HTT: variants seen among roughly 807,000 people sequenced by gnomAD.
HTT encodes huntingtin, also known as huntington disease protein.
HTT carries 104 observed loss-of-function variants against 362.3 expected under a neutral mutation model. The observed-to-expected ratio is 0.29, with a 90% CI of 0.24 to 0.34. The LOEUF is 0.34. Among genes scored for constraint, HTT ranks in the 10% least tolerant of loss-of-function variants. The pLI is 1.00. For synonymous variants in HTT, 1,577 were observed against 1,548.7 expected (o/e 1.02, Z -0.43); for missense variants, 3,301 against 3,928.6 (o/e 0.84, Z 4.27).
chr4:3,182,293 C>A, intron 36 of HTT, 61 bp from the exon 37 acceptor site: 1 of 1,002,468 alleles, frequency 1.0e-6, no homozygotes, highest in South Asian at 1.3e-5. Context: ...AACAGACGGA[C>A]ACGTAGGGGT....
At chr4:3,161,070 C>T (rs187539985) in intron 29 of HTT, among the ~76,000 whole-genome samples, 23 of 152,238 alleles carry the variant, frequency 1.5e-4, no homozygotes, top group African/African-American at 5.1e-4. Flanking sequence ...ATCCCTCCCC[C>T]AGTCCCCTCA....
intron 40 of HTT, 61 bp downstream of exon 40, chr4:3,189,154 T>G: frequency 1.3e-6 from 2 of 1,543,374 alleles, no homozygotes; most frequent in Non-Finnish European, 8.9e-7. Flanking sequence ...CTATACACTC[T>G]CAGAGTGTAG....
intron 17 of HTT, 34 bp downstream of exon 17, chr4:3,132,754 G>T (rs756378512): frequency 3.1e-6 from 5 of 1,613,696 alleles, no homozygotes; most frequent in Non-Finnish European, 4.2e-6. Context: ...GTTTTTTCTA[G>T]TTATGCTTAC....
At chr4:3,146,318 G>C (rs1274734563) in intron 24 of HTT, among the ~76,000 whole-genome samples, 3 of 152,182 alleles carry the variant, frequency 2.0e-5, no homozygotes, top group Non-Finnish European at 4.4e-5. Context: ...GATATGGCGT[G>C]TTAAAGGATA....
chr4:3,116,099 G>C lies in HTT; in HGVS notation c.904G>C (p.Val302Leu). 1 of 1,611,002 alleles carries C rather than the reference G, an allele frequency of 6.2e-7. No homozygotes were observed. Among genetic ancestry groups the C allele is most frequent in the Middle Eastern group, 2.0e-4 (1 of 5,094 alleles). Residue 302 changes from valine (V) to leucine (L), a missense_variant, in exon 8 of 67, where the codon GTC (valine) becomes CTC (leucine). Transcript: ENST00000355072. ...LNVLLGLLVP[V>L]EDEHSTLLIL... is the part of the protein sequence containing the mutation. ...CACCCCCACAGGCTTACTCGTTCCT[G>C]TCGAGGATGAACACTCCACTCTGCT...
chr4:3,075,896 GAAATTATCTTAAATATTAGGA>G (rs1712523605), intron 1 of HTT, among the ~76,000 whole-genome samples: 1 of 152,156 alleles, frequency 6.6e-6, no homozygotes, highest in Non-Finnish European at 1.5e-5. Flanking sequence ...GGTGATTAAT[GAAATTATCTTAAATATTAGGA>G]AGAGTTGATT....
Position 3,075,028 on chromosome 4 carries a change from C to T in HTT, c.203C>T (p.Pro68Leu), listed in dbSNP as rs1167429684. The T allele has an allele frequency of 8.8e-6, 11 of 1,250,428 alleles. No individual in the cohort carries two copies. The South Asian group carries it at 1.0e-4, about 12-fold the overall frequency. The allele number at this position is 1,250,428 out of a possible 1,614,324, so 77.5% of individuals were successfully genotyped here. The change falls in exon 1 of 67, where the codon CCC (proline) becomes CTC (leucine). Residue 68 changes from proline to leucine, a missense_variant. By Grantham distance (98) the Pro-to-Leu change is moderately conservative (BLOSUM62 -3). Around this residue, in one of 4 missense-constraint regions of HTT, gnomAD observed 2,316 missense variants for 2,658.5 expected, o/e 0.87. Transcript: ENST00000355072. The stretch of plus-strand genomic sequence containing the variant: ...CCGCTGCTGCCTCAGCCGCAGCCGC[C>T]CCCGCCGCCGCCCCCGCCGCCACCC... ...AQPLLPQPQP[P>L]PPPPPPPPGP...
intron 1 of HTT, among the ~76,000 whole-genome samples, chr4:3,083,517 C>T (rs1000631566): frequency 7.2e-6 from 1 of 138,454 alleles, no homozygotes; most frequent in Admixed American, 7.6e-5. Flanking sequence ...GAGTGAGACC[C>T]TGTCTCTAAA....
chr4:3,089,809 T>A (rs1424171736), intron 2 of HTT, among the ~76,000 whole-genome samples: 1 of 152,218 alleles, frequency 6.6e-6, no homozygotes, highest in Non-Finnish European at 1.5e-5. Flanking sequence ...CATCTTAAGA[T>A]TGATTTGTGG....
intron 1 of HTT, among the ~76,000 whole-genome samples, chr4:3,083,071 T>A (rs1359184841): frequency 1.3e-5 from 2 of 152,122 alleles, no homozygotes; most frequent in Non-Finnish European, 2.9e-5. Flanking sequence ...AGAAATGCTT[T>A]CCATGTTTGA....
chr4:3,235,778 G>A lies in HTT; in HGVS notation c.8785G>A (p.Gly2929Arg). 2 of 1,604,078 alleles carry A rather than the reference G, an allele frequency of 1.2e-6. No individual in the cohort carries two copies. Among genetic ancestry groups the A allele is most frequent in the Non-Finnish European group, 1.7e-6 (2 of 1,177,640 alleles). The part of the protein sequence containing the change: ...LGLMLTCMYT[G>R]KEKVSPGRTS... ...CCTGATGCTCACCTGCATGTACACA[G>A]GTGAGCATGTACACGGTGCCCATAA... Residue 2929 changes from glycine (G) to arginine (R), a missense_variant and splice_region_variant, in exon 63 of 67, where the codon GGA becomes AGA. Transcript: ENST00000355072.
At chr4:3,148,287 C>A in intron 26 of HTT, 80 bp downstream of exon 26, 1 of 1,036,762 alleles carries the variant, frequency 9.6e-7, no homozygotes, top group Non-Finnish European at 1.4e-6. Flanking sequence ...AGTAATCTGT[C>A]CCTTCTTTAT....
chr4:3,156,922 A>G, intron 27 of HTT, 150 bp from the exon 28 acceptor site: 2 of 608,820 alleles, frequency 3.3e-6, no homozygotes, highest in East Asian at 6.0e-5. Flanking sequence ...TCAATTTCTC[A>G]TTACTTCTAG....
intron 1 of HTT, among the ~76,000 whole-genome samples, chr4:3,075,729 CT>C (rs1372736066): frequency 6.6e-6 from 1 of 150,998 alleles, no homozygotes; most frequent in Non-Finnish European, 1.5e-5. Context: ...AGATTTGAGG[CT>C]CTTCCTACAT....
Position 3,157,084 on chromosome 4 carries a change from C to CT in HTT, c.3639dup (p.Asp1214Ter). 6.2e-7 allele frequency: 1 copy of CT among 1,606,546 alleles called. No homozygotes were observed. The highest frequency in any genetic ancestry group is 8.5e-7 in the Non-Finnish European group (1 of 1,177,918). ...CATATTTTTAAAGCTTCTAGACAAT[C>CT]TGATACCTCAGGTCCTGTTACAACA... On this transcript the variant is annotated frameshift_variant, in exon 28 of 67. Coordinates refer to ENST00000355072, the MANE Select transcript of HTT (RefSeq NM_001388492.1). LOFTEE classifies it high-confidence loss of function.
chr4:3,081,550 CTTTTTTTTTTTTTTTT>C (rs770325842), intron 1 of HTT, among the ~76,000 whole-genome samples: 1 of 84,526 alleles, frequency 1.2e-5, no homozygotes, highest in Admixed American at 1.5e-4. Context: ...GAAAGCATTT[CTTTTTTTTTTTTTTTT>C]TTTTTTTTTG....
chr4:3,207,494 A>G lies in HTT; in HGVS notation c.6152+137A>G, dbSNP rs866504213. 4.5e-6 allele frequency: 3 copies of G among 671,560 alleles called. No homozygotes were observed. In the Middle Eastern group the frequency reaches 1.0e-3, roughly 230 times the overall value. 41.6% of individuals were successfully genotyped at this position (671,560 alleles called of 1,614,324 possible). The stretch of plus-strand genomic sequence containing the variant: ...GGGTTTACTGCAGAAGTGCCATAAT[A>G]GAACCTTCCTACTTTTAAAACAACC... On this transcript the variant is annotated intron_variant, in intron 45 of 66. Coordinates refer to ENST00000355072, the MANE Select transcript of HTT (RefSeq NM_001388492.1).
At chr4:3,215,347 T>C (rs1578596319) in intron 51 of HTT, 136 bp downstream of exon 51, 1 of 637,518 alleles carries the variant, frequency 1.6e-6, no homozygotes, top group South Asian at 1.9e-5. Context: ...TGCTCCTCCC[T>C]AGCTGTCAGG....
At chr4:3,144,681 G>A (rs879608202) in intron 23 of HTT, among the ~76,000 whole-genome samples, 3 of 152,212 alleles carry the variant, frequency 2.0e-5, no homozygotes, top group African/African-American at 7.2e-5. Context: ...TATTGTTTGG[G>A]CTGTCTGCAG....
Sources: allele counts gnomAD v4.1 joint callset (sites outside exome capture counted in the v4.1 genomes callset), GRCh38; gene constraint gnomAD v4.1.1; regional missense constraint gnomAD v4.1.1; transcripts MANE v1.5; gene names NCBI Gene and HGNC (gene_info 2026-07-23, HGNC 2026-07-21).